PRDM16: variants seen among roughly 807,000 people sequenced by gnomAD.
The protein encoded by PRDM16 is PR/SET domain 16.
PRDM16 carries 23 observed loss-of-function variants against 110.6 expected under a neutral mutation model. The observed-to-expected ratio is 0.21, with a 90% CI of 0.15 to 0.29. The LOEUF (loss-of-function observed/expected upper bound fraction) is 0.29, where lower values mean the gene tolerates loss of function less well. PRDM16 is among the 10% of genes least tolerant of loss of function. PRDM16 has a pLI of 1.00. For synonymous variants in PRDM16, 799 were observed against 781.8 expected (o/e 1.02, Z -0.37); for missense variants, 1,615 against 1,794.3 (o/e 0.90, Z 1.81).
At chr1:3,286,614 G>A (rs1569995779) in intron 3 of PRDM16, among the ~76,000 whole-genome samples, 2 of 152,252 alleles carry the variant, frequency 1.3e-5, no homozygotes, top group Admixed American at 6.5e-5. Flanking sequence ...CAGGAACCCC[G>A]TGTCCTCCAT....
At chr1:3,218,961 C>T (rs1255596636) in intron 2 of PRDM16, among the ~76,000 whole-genome samples, 3 of 152,218 alleles carry the variant, frequency 2.0e-5, no homozygotes, top group African/African-American at 4.8e-5. Flanking sequence ...AATGGCTTTC[C>T]GAAAGTTCAC....
At chr1:3,270,287 A>C (rs532325704) in intron 3 of PRDM16, among the ~76,000 whole-genome samples, 1 of 147,490 alleles carries the variant, frequency 6.8e-6, no homozygotes, top group East Asian at 2.1e-4. Flanking sequence ...GGAGGAGGAC[A>C]GTGGGGAAGA....
chr1:3,412,298 G>A lies in PRDM16; in HGVS notation c.2101G>A (p.Glu701Lys), dbSNP rs770765641. 5 of 1,613,658 alleles carry A rather than the reference G, an allele frequency of 3.1e-6. No individual in the cohort carries two copies. The highest frequency in any genetic ancestry group is 2.2e-5 in the East Asian group (1 of 44,868). The change falls in exon 9 of 17, where the codon GAG (glutamate) becomes AAG (lysine). Residue 701 changes from glutamate (E) to lysine (K), a missense_variant. Transcript: ENST00000270722. ...CATCAAGGCCATCGCATCCATTGCC[G>A]AGAAGTACTTTGGCCCCGGCTTCAT... ...DSIKAIASIA[E>K]KYFGPGFMGM...
At chr1:3,153,424 C>T (rs1010729133) in intron 1 of PRDM16, among the ~76,000 whole-genome samples, 4 of 152,216 alleles carry the variant, frequency 2.6e-5, no homozygotes, top group South Asian at 2.1e-4. Context: ...GGTCCATGTG[C>T]GGCTAGACAG....
At chr1:3,234,155 T>C (rs1639485954) in intron 2 of PRDM16, among the ~76,000 whole-genome samples, 1 of 152,176 alleles carries the variant, frequency 6.6e-6, no homozygotes, top group South Asian at 2.1e-4. Flanking sequence ...GGGACTGTCG[T>C]GTTGATTTCG....
chr1:3,188,711 C>T (rs956170000), intron 2 of PRDM16, among the ~76,000 whole-genome samples: 1 of 152,198 alleles, frequency 6.6e-6, no homozygotes, highest in Non-Finnish European at 1.5e-5. Flanking sequence ...TTGGGACCAC[C>T]TTTGAGTTTT....
At chr1:3,180,940 G>T (rs891158673) in intron 1 of PRDM16, among the ~76,000 whole-genome samples, 1 of 142,596 alleles carries the variant, frequency 7.0e-6, no homozygotes, top group Non-Finnish European at 1.5e-5. Flanking sequence ...AGCCACACAC[G>T]CAGCCTTACA....
At chr1:3,269,640 CGG>C in intron 3 of PRDM16, among the ~76,000 whole-genome samples, 1 of 120,118 alleles carries the variant, frequency 8.3e-6, no homozygotes, top group East Asian at 2.3e-4. Flanking sequence ...AGCACAGTCC[CGG>C]AGGAGGACAG....
chr1:3,411,129 G>T (rs1026527033), intron 8 of PRDM16, among the ~76,000 whole-genome samples: 1 of 152,032 alleles, frequency 6.6e-6, no homozygotes, highest in Non-Finnish European at 1.5e-5. Context: ...ATACACACAC[G>T]CCTGCCCAGA....
intron 3 of PRDM16, among the ~76,000 whole-genome samples, chr1:3,253,636 CTT>C (rs1489038451): frequency 2.6e-5 from 4 of 151,988 alleles, no homozygotes; most frequent in Non-Finnish European, 5.9e-5. Flanking sequence ...GGTTCCAAGT[CTT>C]TGCTATTGTG....
chr1:3,237,740 G>T lies in PRDM16; in HGVS notation c.388-6347G>T, dbSNP rs921497570. ...AGGCCAAGGGGCAGCACTCACAGGC[G>T]GGGCTGCCAGCGAACAGAGTGTTCT... is the stretch of plus-strand genomic sequence containing the variant. On this transcript the variant is annotated intron_variant, in intron 2 of 16. Transcript: ENST00000270722. Among the ~76,000 whole-genome samples, 3 of 152,258 alleles carry T rather than the reference G, an allele frequency of 2.0e-5. No homozygotes were observed. In the East Asian group the frequency reaches 5.8e-4, roughly 29 times the overall value.
At chr1:3,074,434 T>C (rs961215936) in intron 1 of PRDM16, among the ~76,000 whole-genome samples, 3 of 152,050 alleles carry the variant, frequency 2.0e-5, no homozygotes, top group South Asian at 2.1e-4. Flanking sequence ...TGTGTGCGCG[T>C]GTGTGTGTGC....
In PRDM16 at chr1:3,412,231, C is replaced by T. The variant is rs371635702; in HGVS notation, c.2034C>T (p.Pro678=). 56 of 1,608,510 alleles carry T rather than the reference C, an allele frequency of 3.5e-5. No individual in the cohort carries two copies. The highest frequency in any genetic ancestry group is 1.0e-4 in the Admixed American group (6 of 59,938). The change falls in exon 9 of 17, where the codon CCC becomes CCT. Residue 678 remains proline, a synonymous_variant. Coordinates refer to ENST00000270722, the MANE Select transcript of PRDM16 (RefSeq NM_022114.4). The part of the protein sequence containing the change: ...FYSQHSFFPP[P]DEQLLTATGA... ...CCCAGCACTCATTCTTCCCGCCACC[C>T]GACGAGCAGCTGCTGACTGCAACGG...
chr1:3,417,905 G>A lies in PRDM16; in HGVS notation c.2769G>A (p.Gln923=). The part of the protein sequence containing the change: ...AMKADSGSSL[Q]PLPHHPFNFR... ...AGGCGGACTCGGGCAGCTCCCTGCA[G>A]CCCCTCCCCCACCACCCCTTCAACT... The change falls in exon 11 of 17, where the codon CAG becomes CAA. Residue 923 remains glutamine (Q), a synonymous_variant. Transcript: ENST00000270722. 1 of 1,613,072 alleles carries A rather than the reference G, an allele frequency of 6.2e-7. No homozygotes were observed. The highest frequency in any genetic ancestry group is 1.1e-5 in the South Asian group (1 of 91,068).
At position 3,339,559 on chromosome 1, in the gene PRDM16, G is replaced by T. The variant is rs1241879839; in HGVS notation, c.439-45593G>T. On this transcript the variant is annotated intron_variant, in intron 3 of 16. Coordinates refer to ENST00000270722, the MANE Select transcript of PRDM16 (RefSeq NM_022114.4). This position sits in a 1 kb window ranked among gnomAD's most constrained non-coding sequence, Gnocchi z 5.0. The stretch of plus-strand genomic sequence containing the variant: ...GCCCACCGAGCGATTCAGGCAGTGA[G>T]GTGGGAAGGAGCGTGGGAGGAGGCT... 1.3e-5 allele frequency among the ~76,000 whole-genome samples: 2 copies of T among 152,136 alleles called. No individual in the cohort carries two copies. The highest frequency in any genetic ancestry group is 4.8e-5 in the African/African-American group (2 of 41,436).
intron 1 of PRDM16, among the ~76,000 whole-genome samples, chr1:3,170,270 G>A (rs1427073060): frequency 6.6e-6 from 1 of 152,178 alleles, no homozygotes; most frequent in Non-Finnish European, 1.5e-5. Flanking sequence ...CTTCCGGGGT[G>A]GGGGTGCAGA....
rs1641877095 is a variant in PRDM16, at chr1:3,075,538, C to A, written c.37+6242C>A. Among the ~76,000 whole-genome samples the A allele has an allele frequency of 3.9e-5, 6 of 152,248 alleles. No individual in the cohort carries two copies. The South Asian group carries it at 1.2e-3, about 31-fold the overall frequency. ...CAAATCATTATTGCATTAGCTGTCA[C>A]ACTGGTAATTCTAGAATCTAAGGAA... is the stretch of plus-strand genomic sequence containing the variant. On this transcript the variant is annotated intron_variant, in intron 1 of 16. Coordinates refer to ENST00000270722, the MANE Select transcript of PRDM16 (RefSeq NM_022114.4).
intron 4 of PRDM16, among the ~76,000 whole-genome samples, chr1:3,392,459 C>T (rs764889521): frequency 6.6e-6 from 1 of 152,200 alleles, no homozygotes; most frequent in Non-Finnish European, 1.5e-5. Context: ...TCAGATTCAA[C>T]CCAGTTCCTT....
At chr1:3,114,674 G>A (rs973576495) in intron 1 of PRDM16, among the ~76,000 whole-genome samples, 3 of 150,968 alleles carry the variant, frequency 2.0e-5, no homozygotes, top group African/African-American at 7.3e-5. Flanking sequence ...AAACACACAT[G>A]CACACATGCA....
Sources: allele counts gnomAD v4.1 joint callset (sites outside exome capture counted in the v4.1 genomes callset), GRCh38; gene constraint gnomAD v4.1.1; non-coding constraint Gnocchi (gnomAD v3.1); transcripts MANE v1.5; gene names NCBI Gene and HGNC (gene_info 2026-07-23, HGNC 2026-07-21).